MTCL1: variants seen among roughly 807,000 people sequenced by gnomAD.
MTCL1 encodes the protein microtubule cross-linking factor 1.
Under a neutral mutation model 141.4 loss-of-function variants are expected in MTCL1, and 79 were observed. That is an observed-to-expected ratio of 0.56 (90% CI 0.47 to 0.67). MTCL1 has a LOEUF of 0.67. MTCL1 is among the 30% of genes least tolerant of loss of function. The probability of loss-of-function intolerance (pLI) is 0.00; values close to 1 mark genes in which losing one functional copy is unlikely to be tolerated. For missense variants in MTCL1, 2,177 were observed against 2,113.9 expected (o/e 1.03, Z -0.59); for synonymous variants, 914 against 875.8 (o/e 1.04, Z -0.77).
At chr18:8,807,059 A>G in exon 11 of MTCL1, 2 of 1,612,096 alleles carry the variant, frequency 1.2e-6, no homozygotes, top group Non-Finnish European at 1.7e-6. Flanking sequence ...CGTCTGGAAC[A>G]GGTACCACCC....
intron 7 of MTCL1, 24 bp downstream of exon 6, chr18:8,786,115 C>CCCCCCCCCA: frequency 1.4e-6 from 2 of 1,388,264 alleles, no homozygotes; most frequent in South Asian, 2.5e-5. Context: ...AGCAATCCCC[C>CCCCCCCCCA]CCCCCCGCCC....
At chr18:8,721,419 C>T (rs2096171343) in intron 4 of MTCL1, among the ~76,000 whole-genome samples, 1 of 151,592 alleles carries the variant, frequency 6.6e-6, no homozygotes, top group South Asian at 2.1e-4. Flanking sequence ...CTCAAGGCGC[C>T]TCCAGTTCAG....
At chr18:8,780,592 A>G (rs985571052) in intron 5 of MTCL1, among the ~76,000 whole-genome samples, 2 of 152,216 alleles carry the variant, frequency 1.3e-5, no homozygotes, top group Non-Finnish European at 2.9e-5. Context: ...CTCTCAAGTT[A>G]ACAATGGGGC....
chr18:8,705,604 C>CGCT, upstream of MTCL1: 1 of 1,209,388 alleles, frequency 8.3e-7, no homozygotes, highest in Non-Finnish European at 1.0e-6. This position sits in a 1 kb window ranked among gnomAD's most constrained non-coding sequence, Gnocchi z 5.2. Flanking sequence ...CCGCCGCCGC[C>CGCT]GCCGCCGTCG....
In MTCL1 at chr18:8,778,859, A is replaced by G. The variant is rs577479089; in HGVS notation, c.417+967A>G. Among the ~76,000 whole-genome samples, 198 of 152,346 alleles carry G rather than the reference A, an allele frequency of 1.3e-3. 2 individuals are homozygous for G. Among genetic ancestry groups the G allele is most frequent in the Non-Finnish European group, 2.4e-3 (164 of 68,034 alleles). On this transcript the variant is annotated intron_variant, in intron 5 of 16. Transcript: ENST00000359865. ...GGGAAGATCTTTTCCTTAAAAGGGGAAATTCTGCCCCATTGTGAAATGAAC... is the reference window on the plus strand; with the variant it reads ...GGGAAGATCTTTTCCTTAAAAGGGGGAATTCTGCCCCATTGTGAAATGAAC...
intron 4 of MTCL1, among the ~76,000 whole-genome samples, chr18:8,758,020 C>CT (rs1162855433): frequency 0.015 from 1,946 of 126,836 alleles, 45 homozygotes; most frequent in African/African-American, 0.036. Context: ...AGCACCCAGT[C>CT]TTTTTTTTTT....
At chr18:8,818,847 A>T in intron 12 of MTCL1, 116 bp from the exon 12 acceptor site, 1 of 1,024,218 alleles carries the variant, frequency 9.8e-7, no homozygotes, top group African/African-American at 1.6e-5. Flanking sequence ...TTTGCTTCTC[A>T]CAATATTTTT....
chr18:8,751,426 C>T (rs915378696), intron 4 of MTCL1, among the ~76,000 whole-genome samples: 4 of 152,210 alleles, frequency 2.6e-5, no homozygotes, highest in Non-Finnish European at 4.4e-5. Flanking sequence ...GTTGCCGCTA[C>T]TGTTACTGCT....
At chr18:8,741,312 A>G (rs1210924859) in intron 4 of MTCL1, among the ~76,000 whole-genome samples, 1 of 152,230 alleles carries the variant, frequency 6.6e-6, no homozygotes. Flanking sequence ...TGTGGAATTA[A>G]TGAGAACACT....
intron 12 of MTCL1, among the ~76,000 whole-genome samples, 196 bp from the exon 12 acceptor site, chr18:8,818,767 A>T (rs1598797392): frequency 6.6e-6 from 1 of 152,306 alleles, no homozygotes; most frequent in South Asian, 2.1e-4. Flanking sequence ...GCCAGATAAA[A>T]TTGTGGGTTT....
chr18:8,830,034 CACA>C lies in MTCL1; in HGVS notation c.*18+1074_*18+1076del, dbSNP rs1213569144. 1.8e-4 allele frequency: 178 copies of C among 985,390 alleles called. No individual in the cohort carries two copies. Among genetic ancestry groups the C allele is most frequent in the Non-Finnish European group, 1.8e-4 (149 of 830,022 alleles). 61.0% of individuals were successfully genotyped at this position (985,390 alleles called of 1,614,324 possible). On this transcript the variant is annotated intron_variant, in intron 16 of 16. Coordinates refer to ENST00000359865, the Ensembl canonical transcript of MTCL1. This position sits in a 1 kb window ranked among gnomAD's most constrained non-coding sequence, Gnocchi z 6.4. ...ACCTATGACAGCAGCTTCACCAACA[CACA>C]ACACACACAGAACAGATACACAATA...
At chr18:8,720,608 CTGTT>C (rs1192015645) in intron 4 of MTCL1, 112 bp downstream of exon 3, 4 of 1,048,786 alleles carry the variant, frequency 3.8e-6, no homozygotes, top group Non-Finnish European at 5.5e-6. Flanking sequence ...AAATCGTGGC[CTGTT>C]TGTTTGGCTC....
intron 10 of MTCL1, among the ~76,000 whole-genome samples, chr18:8,802,944 T>C (rs2076170671): frequency 6.6e-6 from 1 of 152,132 alleles, no homozygotes; most frequent in South Asian, 2.1e-4. Context: ...CATAAAGACA[T>C]CTCAATGGAA....
At chr18:8,792,119 G>T (rs541462213) in intron 7 of MTCL1, among the ~76,000 whole-genome samples, 2 of 152,194 alleles carry the variant, frequency 1.3e-5, no homozygotes, top group African/African-American at 4.8e-5. Flanking sequence ...GAAACCGCAC[G>T]TATTTTATTG....
At chr18:8,771,463 A>G (rs1342319413) in intron 4 of MTCL1, among the ~76,000 whole-genome samples, 1 of 152,208 alleles carries the variant, frequency 6.6e-6, no homozygotes, top group Non-Finnish European at 1.5e-5. Context: ...ATCAGTCTGC[A>G]TCTACATCCT....
intron 4 of MTCL1, among the ~76,000 whole-genome samples, chr18:8,725,005 A>G (rs1407277366): frequency 3.3e-5 from 5 of 151,314 alleles, no homozygotes; most frequent in African/African-American, 7.3e-5. Context: ...CTAGTATTCA[A>G]CTCTACCTAT....
intron 4 of MTCL1, among the ~76,000 whole-genome samples, chr18:8,738,657 GT>G (rs2096285800): frequency 6.6e-6 from 1 of 152,168 alleles, no homozygotes; most frequent in South Asian, 2.1e-4. Context: ...CCACAACACA[GT>G]TTTGCCCAAT....
At chr18:8,754,370 C>A (rs879560748) in intron 4 of MTCL1, among the ~76,000 whole-genome samples, 2 of 152,184 alleles carry the variant, frequency 1.3e-5, no homozygotes, top group African/African-American at 4.8e-5. Context: ...CGCGCCTGGC[C>A]TCTCCTTTAT....
At chr18:8,749,395 G>A (rs568208182) in intron 4 of MTCL1, among the ~76,000 whole-genome samples, 14 of 152,326 alleles carry the variant, frequency 9.2e-5, no homozygotes, top group Non-Finnish European at 1.9e-4. Flanking sequence ...GGCTGGCTGC[G>A]GACGGACCAC....
Sources: gnomAD v4.1 joint callset for allele counts (sites outside exome capture counted in the v4.1 genomes callset) on GRCh38, gnomAD v4.1.1 for gene constraint, Gnocchi (gnomAD v3.1) non-coding constraint, MANE v1.5 for transcripts, NCBI Gene and HGNC (gene_info 2026-07-23, HGNC 2026-07-21) for gene names.